Variants in IL12RB1 observed in about 807,000 individuals in gnomAD.
The protein encoded by IL12RB1 is interleukin 12 receptor subunit beta 1.
IL12RB1 carries 64 observed loss-of-function variants against 94.4 expected under a neutral mutation model. That is an observed-to-expected ratio of 0.68 (90% confidence interval 0.55 to 0.83). The LOEUF is 0.83. Among genes scored for constraint, IL12RB1 ranks in the 40% least tolerant of loss-of-function variants. IL12RB1 has a pLI of 0.00. For synonymous variants in IL12RB1, 362 were observed against 355.5 expected, an observed-to-expected ratio of 1.02 and a Z score of -0.21; for missense variants, 814 against 855.6, an observed-to-expected ratio of 0.95 and a Z score of 0.61.
At chr19:18,079,464 T>C (rs1295217821) in intron 4 of IL12RB1, among the ~76,000 whole-genome samples, 2 of 152,156 alleles carry the variant, frequency 1.3e-5, no homozygotes, top group Non-Finnish European at 2.9e-5. Flanking sequence ...AGTTCTCTAC[T>C]GTACCTTGGA....
intron 5 of IL12RB1, among the ~76,000 whole-genome samples, chr19:18,076,865 T>G (rs1369342167): frequency 6.6e-6 from 1 of 152,032 alleles, no homozygotes; most frequent in East Asian, 1.9e-4. Context: ...CTAAACACAA[T>G]GTGGGATCCT....
rs191539290 is a variant in IL12RB1, at chr19:18,098,657, A to G, written c.-230+98T>C. 75 of 453,990 alleles carry G rather than the reference A, an allele frequency of 1.7e-4. No individual in the cohort carries two copies. The East Asian group carries it at 3.7e-3, about 22-fold the overall frequency. The allele number at this position is 453,990 out of a possible 1,614,324, so 28.1% of individuals were successfully genotyped here. A position where few individuals can be genotyped will look rare whatever the true frequency, so the allele number is the denominator to read the frequency against. ...GTGTCCCCATTATAAGAAAAGAAAA[A>G]CAGGAATTAAGATTTGGCCATTTTC... On this transcript the variant is annotated intron_variant, in intron 1 of 4. Transcript: ENST00000594176.
chr19:18,061,314 T>G (rs2034111022), intron 14 of IL12RB1, 117 bp from the exon 15 acceptor site: 1 of 590,026 alleles, frequency 1.7e-6, no homozygotes, highest in Non-Finnish European at 3.1e-6. Flanking sequence ...CACTGCAACC[T>G]CTGCCTCCTG....
At chr19:18,065,235 TG>T (rs1390469857) in intron 12 of IL12RB1, among the ~76,000 whole-genome samples, 1 of 152,148 alleles carries the variant, frequency 6.6e-6, no homozygotes, top group Non-Finnish European at 1.5e-5. Context: ...CCCTGTTTTG[TG>T]GGCTTTCCTG....
chr19:18,062,048 C>T (rs1411096283), intron 14 of IL12RB1, 133 bp downstream of exon 14: 4 of 642,982 alleles, frequency 6.2e-6, no homozygotes, highest in Non-Finnish European at 1.1e-5. Flanking sequence ...CTGTTTTCTT[C>T]TACCTCTGGC....
chr19:18,072,018 G>T lies in IL12RB1; in HGVS notation c.1021+94C>A, dbSNP rs915241580. The T allele has an allele frequency of 2.1e-5, 18 of 873,566 alleles. No individual in the cohort carries two copies. In the Admixed American group the frequency reaches 3.3e-4, roughly 16 times the overall value. 54.1% of individuals were successfully genotyped at this position (873,566 alleles called of 1,614,324 possible). ...ATCAGGCACTCCTTTAAAATTTTCTGCCTCGCTCCTCTCACCCTGGTCTAG... is the reference window on the plus strand; with the variant it reads ...ATCAGGCACTCCTTTAAAATTTTCTTCCTCGCTCCTCTCACCCTGGTCTAG... On this transcript the variant is annotated intron_variant, in intron 9 of 16. Transcript: ENST00000593993.
In IL12RB1 at chr19:18,069,716, G is replaced by A; in HGVS notation, c.1022-3C>T. 6.2e-7 allele frequency: 1 copy of A among 1,606,734 alleles called. No individual in the cohort carries two copies. The highest frequency in any genetic ancestry group is 8.5e-7 in the Non-Finnish European group (1 of 1,174,346). On this transcript the variant is annotated splice_polypyrimidine_tract_variant and splice_region_variant and intron_variant, in intron 9 of 16. Transcript: ENST00000593993. The stretch of plus-strand genomic sequence containing the variant: ...GCTGATATTCAGAGCCACTGGTTCT[G>A]GAAGGAGAGGGGAGAGACGCATCGA...
rs1568493467 is a variant in IL12RB1 at position 18,068,436 on chromosome 19, A to T, written c.1280T>A (p.Leu427His). ...GGACAGGACCGTAGACCACAAGGTG[A>T]GCTTCTCGGGGTGCGCAGAGGCAAA... ...TIFASAHPEK[L>H]TLWSTVLSTY... Residue 427 changes from leucine to histidine, a missense_variant, in exon 11 of 17, where the codon CTC (leucine) becomes CAC (histidine). Coordinates refer to ENST00000593993, the MANE Select transcript of IL12RB1 (RefSeq NM_005535.3). 1 of 1,613,220 alleles carries T rather than the reference A, an allele frequency of 6.2e-7. No homozygotes were observed. The highest frequency in any genetic ancestry group is 2.2e-5 in the East Asian group (1 of 44,842).
upstream of IL12RB1, among the ~76,000 whole-genome samples, chr19:18,091,183 C>T (rs769354051): frequency 2.3e-4 from 35 of 152,184 alleles, no homozygotes; most frequent in Non-Finnish European, 5.0e-4. Context: ...ACCTGACACT[C>T]CCTCTGAAGT....
intron 3 of IL12RB1, among the ~76,000 whole-genome samples, chr19:18,081,792 C>G (rs1323615838): frequency 6.6e-6 from 1 of 151,598 alleles, no homozygotes; most frequent in East Asian, 1.9e-4. Flanking sequence ...TGCACTCCAG[C>G]CTGGGCAACA....
chr19:18,073,592 G>A lies in IL12RB1; in HGVS notation c.708C>T (p.Pro236=). ...SSPVCVPPEN[P]PQPQVRFSVE... ...CCGAGAATCTCACCTGAGGCTGTGG[G>A]GGGTTTTCTGCAATCAGAACCAAAC... The change falls in exon 8 of 17, where the codon CCC becomes CCT. Residue 236 remains proline, a synonymous_variant. Coordinates refer to ENST00000593993, the MANE Select transcript of IL12RB1 (RefSeq NM_005535.3). 1.2e-6 allele frequency: 2 copies of A among 1,609,204 alleles called. No homozygotes were observed. Among genetic ancestry groups the A allele is most frequent in the South Asian group, 2.2e-5 (2 of 90,896 alleles).
At chr19:18,067,921 C>A (rs1599475321) in intron 11 of IL12RB1, among the ~76,000 whole-genome samples, 1 of 151,972 alleles carries the variant, frequency 6.6e-6, no homozygotes, top group Non-Finnish European at 1.5e-5. Flanking sequence ...TTCTTGAACT[C>A]CTGGGTTCAA....
At chr19:18,089,898 C>CA (rs1282075868), upstream of IL12RB1, among the ~76,000 whole-genome samples, 3 of 152,108 alleles carry the variant, frequency 2.0e-5, no homozygotes, top group Non-Finnish European at 4.4e-5. Context: ...GAGTTAGGGA[C>CA]AAAGACTCAG....
At chr19:18,065,818 C>CA (rs1367332225) in intron 12 of IL12RB1, among the ~76,000 whole-genome samples, 1 of 148,800 alleles carries the variant, frequency 6.7e-6, no homozygotes, top group African/African-American at 2.5e-5. Flanking sequence ...GACTCCCTCT[C>CA]AAAAAGAAAA....
At chr19:18,090,016 G>A (rs2036562313), upstream of IL12RB1, among the ~76,000 whole-genome samples, 1 of 152,216 alleles carries the variant, frequency 6.6e-6, no homozygotes, top group Admixed American at 6.5e-5. Context: ...GGATGTGTGA[G>A]GCCTGGGGGA....
intron 3 of IL12RB1, 23 bp from the exon 4 acceptor site, chr19:18,081,024 A>G (rs2035863105): frequency 6.2e-7 from 1 of 1,606,218 alleles, no homozygotes; most frequent in Non-Finnish European, 8.5e-7. Flanking sequence ...GGAGGGTGTC[A>G]GTGCCGAGTC....
chr19:18,086,133 G>A (rs2036317448), intron 1 of IL12RB1, among the ~76,000 whole-genome samples: 1 of 151,952 alleles, frequency 6.6e-6, no homozygotes, highest in African/African-American at 2.4e-5. Flanking sequence ...TAAGGCAGGA[G>A]GATCACTTGA....
At chr19:18,086,188 A>G (rs1450041828) in intron 1 of IL12RB1, among the ~76,000 whole-genome samples, 2 of 151,800 alleles carry the variant, frequency 1.3e-5, no homozygotes, top group Non-Finnish European at 2.9e-5. Flanking sequence ...AGGCCACTGC[A>G]CTCCAGCCTG....
intron 14 of IL12RB1, 57 bp from the exon 15 acceptor site, chr19:18,061,254 G>C (rs1426053044): frequency 2.4e-6 from 2 of 847,674 alleles, no homozygotes; most frequent in East Asian, 2.7e-5. Flanking sequence ...TTTTGGAGAC[G>C]GAGTCTTGCT....
Sources: gnomAD v4.1 joint callset for allele counts (sites outside exome capture counted in the v4.1 genomes callset) on GRCh38, gnomAD v4.1.1 for gene constraint, MANE v1.5 for transcripts, NCBI Gene and HGNC (gene_info 2026-07-23, HGNC 2026-07-21) for gene names.